The following CSMD3 variants were observed in gnomAD, a reference collection of about 807,000 sequenced individuals.
CSMD3 encodes CUB and Sushi multiple domains 3.
In CSMD3, 177 loss-of-function variants were observed where a neutral mutation model predicts 435.2. The ratio of observed to expected loss-of-function variants is 0.41; its 90% CI spans 0.36 to 0.46. CSMD3 has a LOEUF of 0.46. Among genes scored for constraint, CSMD3 ranks in the 20% least tolerant of loss-of-function variants. The pLI is 0.34. For synonymous variants in CSMD3, 1,656 were observed against 1,520.5 expected, an observed-to-expected ratio of 1.09 and a Z score of -2.07; for missense variants, 4,265 against 4,504.6, an observed-to-expected ratio of 0.95 and a Z score of 1.52.
chr8:112,945,588 ATGTG>A (rs10574750), intron 9 of CSMD3, among the ~76,000 whole-genome samples: 5,028 of 140,652 alleles, frequency 0.036, 96 homozygotes, highest in African/African-American at 0.047. Context: ...ATACAGAAAT[ATGTG>A]TGTGTGTGTG....
chr8:112,377,614 A>G (rs1390075035), intron 38 of CSMD3, among the ~76,000 whole-genome samples: 1 of 152,138 alleles, frequency 6.6e-6, no homozygotes. Flanking sequence ...ATAGTAAGCC[A>G]AATCTAGCAG....
chr8:112,572,974 A>G (rs903950657), intron 24 of CSMD3, among the ~76,000 whole-genome samples: 2 of 152,110 alleles, frequency 1.3e-5, no homozygotes, highest in African/African-American at 4.8e-5. Context: ...TAGTCAAAAT[A>G]GCTGACTTTA....
intron 1 of CSMD3, among the ~76,000 whole-genome samples, chr8:113,324,409 C>G (rs957885791): frequency 6.6e-6 from 1 of 152,104 alleles, no homozygotes; most frequent in Non-Finnish European, 1.5e-5. Flanking sequence ...GCTGCTCCAG[C>G]CATGACTGAA....
At chr8:112,364,450 A>G (rs1827564138) in intron 38 of CSMD3, among the ~76,000 whole-genome samples, 2 of 152,058 alleles carry the variant, frequency 1.3e-5, no homozygotes, top group Non-Finnish European at 2.9e-5. Context: ...TACTTCATGC[A>G]GCCTTCTCTT....
At chr8:113,171,059 G>A (rs72685900) in intron 4 of CSMD3, among the ~76,000 whole-genome samples, 14,569 of 151,560 alleles carry the variant, frequency 0.096, 908 homozygotes, top group Middle Eastern at 0.17. Context: ...TTGAACAGAA[G>A]GACATTTGAT....
At chr8:112,468,389 T>A (rs1310170698) in intron 32 of CSMD3, among the ~76,000 whole-genome samples, 4 of 152,110 alleles carry the variant, frequency 2.6e-5, no homozygotes, top group Non-Finnish European at 5.9e-5. Flanking sequence ...CCTGCTGATT[T>A]ATACTCTACT....
intron 4 of CSMD3, among the ~76,000 whole-genome samples, chr8:113,130,436 CTCT>C (rs1418943562): frequency 2.0e-5 from 3 of 152,128 alleles, no homozygotes; most frequent in Non-Finnish European, 4.4e-5. Context: ...CACTTACCTC[CTCT>C]GTCTCTTCCT....
chr8:112,384,468 A>T (rs1829760098), intron 36 of CSMD3, among the ~76,000 whole-genome samples: 2 of 152,118 alleles, frequency 1.3e-5, no homozygotes, highest in South Asian at 4.1e-4. Context: ...AACCCACAGG[A>T]CCCTCACAAC....
At chr8:112,403,065 A>G (rs1831478074) in intron 35 of CSMD3, among the ~76,000 whole-genome samples, 1 of 152,184 alleles carries the variant, frequency 6.6e-6, no homozygotes, top group Admixed American at 6.6e-5. Flanking sequence ...AGATAGGCGG[A>G]ACATTAAGTC....
chr8:113,107,411 G>T (rs2090511417), intron 4 of CSMD3, among the ~76,000 whole-genome samples: 1 of 152,210 alleles, frequency 6.6e-6, no homozygotes. Context: ...CCAGTCCCTT[G>T]AATACTGTTA....
At chr8:112,373,487 A>T (rs1828643713) in intron 38 of CSMD3, among the ~76,000 whole-genome samples, 1 of 152,064 alleles carries the variant, frequency 6.6e-6, no homozygotes, top group Non-Finnish European at 1.5e-5. Context: ...TATTTTGCTT[A>T]TCTCAAGTAC....
intron 20 of CSMD3, among the ~76,000 whole-genome samples, chr8:112,644,043 T>C (rs1056991965): frequency 4.6e-5 from 7 of 151,586 alleles, no homozygotes; most frequent in African/African-American, 1.7e-4. Flanking sequence ...ATTTTAATAG[T>C]AAAATTCAAT....
chr8:113,345,868 A>C, intron 1 of CSMD3, among the ~76,000 whole-genome samples: 1 of 151,588 alleles, frequency 6.6e-6, no homozygotes, highest in African/African-American at 2.4e-5. Context: ...GAATTCACAC[A>C]CCCCGGCTCC....
intron 5 of CSMD3, among the ~76,000 whole-genome samples, chr8:113,020,247 A>T (rs150288781): frequency 1.6e-3 from 243 of 151,964 alleles, no homozygotes; most frequent in African/African-American, 5.7e-3. Context: ...GGCAGAAAAC[A>T]GATTGTATAT....
At chr8:112,954,648 G>C in intron 8 of CSMD3, 36 bp downstream of exon 8, 1 of 1,310,528 alleles carries the variant, frequency 7.6e-7, no homozygotes. Context: ...CTTCACTCTT[G>C]CACTAGAGAA....
At chr8:113,376,249 C>T (rs946316998) in intron 1 of CSMD3, among the ~76,000 whole-genome samples, 2 of 152,008 alleles carry the variant, frequency 1.3e-5, no homozygotes, top group South Asian at 2.1e-4. Context: ...GCCTTTGAGG[C>T]ATAAAAGTTA....
At chr8:112,817,439 A>G (rs2079405899) in intron 12 of CSMD3, among the ~76,000 whole-genome samples, 1 of 63,194 alleles carries the variant, frequency 1.6e-5, no homozygotes, top group Non-Finnish European at 3.0e-5. Context: ...CACATGGGAA[A>G]GAATCTGTGA....
At chr8:113,210,964 C>T (rs1454945640) in intron 3 of CSMD3, among the ~76,000 whole-genome samples, 1 of 152,118 alleles carries the variant, frequency 6.6e-6, no homozygotes, top group Admixed American at 6.6e-5. Context: ...TTTGAGTCCA[C>T]ATTTCACTGC....
intron 59 of CSMD3, among the ~76,000 whole-genome samples, chr8:112,279,296 A>C (rs1187862873): frequency 6.6e-6 from 1 of 152,164 alleles, no homozygotes; most frequent in Non-Finnish European, 1.5e-5. Flanking sequence ...AGGAGATACC[A>C]CTGAATGTAC....
Sources: allele counts gnomAD v4.1 joint callset (sites outside exome capture counted in the v4.1 genomes callset), GRCh38; gene constraint gnomAD v4.1.1; transcripts MANE v1.5; gene names NCBI Gene and HGNC (gene_info 2026-07-23, HGNC 2026-07-21).